CCL5: variants seen among roughly 807,000 people sequenced by gnomAD.
CCL5 encodes C-C motif chemokine 5.
In CCL5, 5 loss-of-function variants were observed where a neutral mutation model predicts 9.0. The observed-to-expected ratio is 0.55, with a 90% confidence interval of 0.29 to 1.16. The LOEUF (loss-of-function observed/expected upper bound fraction) is 1.16. CCL5 is among the 50% of genes most tolerant of loss of function. CCL5 has a pLI of 0.08. For synonymous variants in CCL5, 66 were observed against 72.0 expected (o/e 0.92, Z 0.42); for missense variants, 183 against 183.2 (o/e 1.00, Z 0.01).
In CCL5 at chr17:35,878,637, A is replaced by C; in HGVS notation, c.79T>G (p.Ser27Ala). ...AAGCAGCAGGGTGTGGTGTCCGAGG[A>C]ATCTGGAAGAGGAAAGGAAGGAGGG... The change falls in exon 2 of 4, where the codon TCC becomes GCC. Residue 27 changes from serine to alanine, a missense_variant and splice_region_variant. By Grantham distance (99) the Ser-to-Ala change is moderately conservative (BLOSUM62 1). Transcript: ENST00000651122. 6.2e-7 allele frequency: 1 copy of C among 1,605,998 alleles called. No homozygotes were observed. The highest frequency in any genetic ancestry group is 1.1e-5 in the South Asian group (1 of 90,544).
intron 2 of CCL5, among the ~76,000 whole-genome samples, chr17:35,877,689 A>G (rs1443122485): frequency 5.3e-5 from 8 of 152,212 alleles, no homozygotes; most frequent in Admixed American, 5.2e-4. Context: ...GGCATTTCCT[A>G]TATAGTAGGG....
intron 1 of CCL5, among the ~76,000 whole-genome samples, chr17:35,879,774 A>G (rs555683932): frequency 6.6e-6 from 1 of 152,158 alleles, no homozygotes; most frequent in East Asian, 1.9e-4. Flanking sequence ...AAAGCCACAT[A>G]CCCTCTCATA....
At position 35,875,623 on chromosome 17, in the gene CCL5, T is replaced by C; in HGVS notation, c.208A>G (p.Lys70Glu). Reference sequence around the variant, plus strand: ...TGCCAGACTTGCTGTCCCTCTCTCTTTGGCATCCTTGACCTGTGGCTAGGA... The same window carrying C: ...TGCCAGACTTGCTGTCCCTCTCTCTCTGGCATCCTTGACCTGTGGCTAGGA... Residue 70 changes from lysine to glutamate, a missense_variant, in exon 3 of 4, where the codon AAG (lysine) becomes GAG (glutamate). By Grantham distance (56) the Lys-to-Glu change is moderately conservative (BLOSUM62 1). Transcript: ENST00000651122. 1.0e-6 allele frequency: 1 copy of C among 985,206 alleles called. No homozygotes were observed. Among genetic ancestry groups the C allele is most frequent in the African/African-American group, 1.7e-5 (1 of 57,312 alleles). The allele number at this position is 985,206 out of a possible 1,614,324, so 61.0% of individuals were successfully genotyped here.
intron 2 of CCL5, among the ~76,000 whole-genome samples, chr17:35,876,872 C>T (rs866621761): frequency 6.6e-6 from 1 of 152,154 alleles, no homozygotes; most frequent in Non-Finnish European, 1.5e-5. Flanking sequence ...CAGACAGCAC[C>T]ATTTGCAGCA....
At chr17:35,879,635 CA>C (rs35764706) in intron 1 of CCL5, among the ~76,000 whole-genome samples, 11,374 of 48,766 alleles carry the variant, frequency 0.23, 317 homozygotes, top group East Asian at 0.38. Context: ...GACTCCATCT[CA>C]AAAAAAAAAA....
intron 1 of CCL5, among the ~76,000 whole-genome samples, chr17:35,878,900 C>T (rs1056040037): frequency 1.3e-5 from 2 of 152,162 alleles, no homozygotes; most frequent in Non-Finnish European, 2.9e-5. Context: ...AGGGCCTCCT[C>T]CTGGCTTGTC....
At chr17:35,876,148 G>A (rs2088439011) in intron 2 of CCL5, among the ~76,000 whole-genome samples, 1 of 152,172 alleles carries the variant, frequency 6.6e-6, no homozygotes, top group Non-Finnish European at 1.5e-5. Flanking sequence ...GGAGGTAATT[G>A]GGGTTACGAG....
chr17:35,877,792 T>A (rs1320757577), intron 2 of CCL5, among the ~76,000 whole-genome samples: 1 of 152,230 alleles, frequency 6.6e-6, no homozygotes, highest in East Asian at 1.9e-4. Flanking sequence ...TTTGTTTTTT[T>A]ATTTGACTAC....
At chr17:35,872,831 G>A (rs1346020550) in intron 3 of CCL5, among the ~76,000 whole-genome samples, 1 of 152,160 alleles carries the variant, frequency 6.6e-6, no homozygotes, top group Non-Finnish European at 1.5e-5. Context: ...GATGCAGAGA[G>A]AATAAGGTGT....
intron 3 of CCL5, among the ~76,000 whole-genome samples, chr17:35,872,759 C>T (rs1258557930): frequency 6.6e-6 from 1 of 152,208 alleles, no homozygotes; most frequent in Non-Finnish European, 1.5e-5. Flanking sequence ...AGGGCTGAGC[C>T]TGCCAATCAC....
At position 35,872,178 on chromosome 17, in the gene CCL5, C is replaced by G; in HGVS notation, c.*92G>C. 2.3e-6 allele frequency: 2 copies of G among 888,638 alleles called. No individual in the cohort carries two copies. Among genetic ancestry groups the G allele is most frequent in the South Asian group, 4.7e-5 (2 of 42,602 alleles). The allele number at this position is 888,638 out of a possible 1,614,324, so 55.0% of individuals were successfully genotyped here. A position where few individuals can be genotyped will look rare whatever the true frequency, so the allele number is the denominator to read the frequency against. On this transcript the variant is annotated 3_prime_UTR_variant, in exon 4 of 4. Coordinates refer to ENST00000651122, the MANE Select transcript of CCL5 (RefSeq NM_001278736.2). The stretch of plus-strand genomic sequence containing the variant: ...CCTCAAGTGATCCACCCACCTTGGC[C>G]TCCCAAAGTGCTGGGATTACAGGCG...
chr17:35,877,239 G>A (rs1312629665), intron 2 of CCL5, among the ~76,000 whole-genome samples: 1 of 152,168 alleles, frequency 6.6e-6, no homozygotes, highest in African/African-American at 2.4e-5. Flanking sequence ...GCTGGGTACA[G>A]TAGCTCACAC....
intron 3 of CCL5, among the ~76,000 whole-genome samples, chr17:35,874,099 A>G (rs978335217): frequency 2.0e-5 from 3 of 152,060 alleles, no homozygotes; most frequent in Admixed American, 2.0e-4. Flanking sequence ...CAATTAACAC[A>G]TTACTTCAGG....
At chr17:35,879,355 C>T (rs1360765986) in intron 1 of CCL5, among the ~76,000 whole-genome samples, 1 of 152,156 alleles carries the variant, frequency 6.6e-6, no homozygotes, top group Non-Finnish European at 1.5e-5. Context: ...CAAAAATCGG[C>T]TGGGCACGGT....
intron 2 of CCL5, chr17:35,875,696 C>T: frequency 2.7e-6 from 2 of 735,888 alleles, no homozygotes; most frequent in African/African-American, 1.9e-5. Context: ...TAGCTCAGGC[C>T]TCCATTTCCT....
chr17:35,872,164 C>T lies in CCL5; in HGVS notation c.*106G>A. Reference sequence around the variant, plus strand: ...TCTCGAACTCCTGACCTCAAGTGATCCACCCACCTTGGCCTCCCAAAGTGC... The same window carrying T: ...TCTCGAACTCCTGACCTCAAGTGATTCACCCACCTTGGCCTCCCAAAGTGC... On this transcript the variant is annotated 3_prime_UTR_variant, in exon 4 of 4. Transcript: ENST00000651122. The T allele has an allele frequency of 4.8e-6, 3 of 619,024 alleles. No homozygotes were observed. Among genetic ancestry groups the T allele is most frequent in the South Asian group, 2.9e-5 (1 of 34,084 alleles). 38.3% of individuals were successfully genotyped at this position (619,024 alleles called of 1,614,324 possible).
In CCL5 at chr17:35,875,685, G is replaced by GGCT. The variant is rs2088433413; in HGVS notation, c.189-44_189-43insAGC. The GGCT allele has an allele frequency of 7.2e-6, 6 of 831,952 alleles. 1 individual carries two copies. The South Asian group carries it at 2.2e-4, about 31-fold the overall frequency. The allele number at this position is 831,952 out of a possible 1,614,324, so 51.5% of individuals were successfully genotyped here. A position where few individuals can be genotyped will look rare whatever the true frequency, so the allele number is the denominator to read the frequency against. ...CAGGAAAACAATACCTGAGATGAGG[G>GGCT]TAGCTCAGGCCTCCATTTCCTGCCC... On this transcript the variant is annotated intron_variant, in intron 2 of 3. Transcript: ENST00000651122.
intron 1 of CCL5, among the ~76,000 whole-genome samples, chr17:35,878,871 C>A (rs2088477624): frequency 6.6e-6 from 1 of 152,176 alleles, no homozygotes; most frequent in Non-Finnish European, 1.5e-5. Context: ...TACACCATAA[C>A]CTTCTGCCCT....
intron 2 of CCL5, among the ~76,000 whole-genome samples, chr17:35,877,822 CT>C (rs1322248766): frequency 6.6e-6 from 1 of 152,152 alleles, no homozygotes; most frequent in African/African-American, 2.4e-5. Context: ...TCCCTGACCT[CT>C]GACCTCTTCT....
Sources: gnomAD v4.1 joint callset for allele counts (sites outside exome capture counted in the v4.1 genomes callset) on GRCh38, gnomAD v4.1.1 for gene constraint, MANE v1.5 for transcripts, NCBI Gene and HGNC (gene_info 2026-07-23, HGNC 2026-07-21) for gene names.